TTC3: variants seen among roughly 807,000 people sequenced by gnomAD.
The protein encoded by TTC3 is E3 ubiquitin-protein ligase TTC3.
A neutral mutation model predicts 249.6 loss-of-function variants in TTC3; 180 were observed. The observed-to-expected ratio is 0.72, with a 90% confidence interval of 0.64 to 0.82. The LOEUF is 0.82. Among genes scored for constraint, TTC3 ranks in the 40% least tolerant of loss-of-function variants. TTC3 has a pLI of 0.00. For missense variants in TTC3, 2,061 were observed against 2,398.4 expected (o/e 0.86, Z 2.94); for synonymous variants, 717 against 805.0 (o/e 0.89, Z 1.85).
exon 12 of TTC3, chr21:37,121,846 T>C: frequency 6.2e-7 from 1 of 1,607,380 alleles, no homozygotes; most frequent in Non-Finnish European, 8.5e-7. Context: ...ATGCTCTTTC[T>C]ATGCTGGGGG....
exon 33 of TTC3, chr21:37,166,061 T>G: frequency 6.2e-7 from 1 of 1,614,200 alleles, no homozygotes; most frequent in Non-Finnish European, 8.5e-7. Context: ...TAAACCAGGC[T>G]CTGAGGATGC....
rs138175989 is a variant in TTC3 at position 37,094,446 on chromosome 21, A to G, written c.687+356A>G. On this transcript the variant is annotated intron_variant, in intron 8 of 45. Coordinates refer to ENST00000355666, the Ensembl canonical transcript of TTC3. ...ATTTAATGTTGTATTGAATTCCCTAATGCTGTTGATATGATGTGATTTAGT... is the reference window on the plus strand; with the variant it reads ...ATTTAATGTTGTATTGAATTCCCTAGTGCTGTTGATATGATGTGATTTAGT... Among the ~76,000 whole-genome samples, 155 of 152,318 alleles carry G rather than the reference A, an allele frequency of 1.0e-3. 1 individual carries two copies. The highest frequency in any genetic ancestry group is 3.6e-3 in the African/African-American group (149 of 41,576).
intron 25 of TTC3, among the ~76,000 whole-genome samples, chr21:37,151,204 A>G (rs1048095797): frequency 1.3e-5 from 2 of 152,112 alleles, no homozygotes; most frequent in Non-Finnish European, 2.9e-5. Context: ...GTTTGCTCTC[A>G]GTTGTTGAAA....
intron 35 of TTC3, among the ~76,000 whole-genome samples, chr21:37,180,484 A>T (rs1200258368): frequency 6.6e-6 from 1 of 151,300 alleles, no homozygotes; most frequent in Non-Finnish European, 1.5e-5. Context: ...ACTGGAAATC[A>T]TCATTCTCAG....
At chr21:37,155,356 A>G (rs1247269800) in intron 27 of TTC3, among the ~76,000 whole-genome samples, 1 of 152,210 alleles carries the variant, frequency 6.6e-6, no homozygotes. Context: ...TAACATCCCA[A>G]TAGTGAACAC....
intron 35 of TTC3, among the ~76,000 whole-genome samples, chr21:37,179,289 A>G (rs1209323733): frequency 6.6e-6 from 1 of 152,214 alleles, no homozygotes; most frequent in African/African-American, 2.4e-5. Flanking sequence ...CCTGTCTCAA[A>G]AAAACAAAAA....
chr21:37,073,838 T>C (rs567241236), intron 1 of TTC3, among the ~76,000 whole-genome samples: 1 of 152,264 alleles, frequency 6.6e-6, no homozygotes, highest in East Asian at 1.9e-4. Context: ...ACTGCCCCTG[T>C]CTGTGGGCTG....
chr21:37,137,000 C>T (rs1411845604), intron 18 of TTC3, among the ~76,000 whole-genome samples: 1 of 152,188 alleles, frequency 6.6e-6, no homozygotes, highest in African/African-American at 2.4e-5. Context: ...GCATGAATGG[C>T]AGCACATCTG....
At chr21:37,120,754 T>TA (rs1211343630) in intron 11 of TTC3, among the ~76,000 whole-genome samples, 2 of 152,230 alleles carry the variant, frequency 1.3e-5, no homozygotes, top group African/African-American at 4.8e-5. Flanking sequence ...TAAACCTGCA[T>TA]AAACACGTAC....
At chr21:37,167,399 C>G (rs2081343176) in intron 33 of TTC3, among the ~76,000 whole-genome samples, 156 bp from the exon 34 acceptor site, 1 of 151,668 alleles carries the variant, frequency 6.6e-6, no homozygotes, top group Non-Finnish European at 1.5e-5. Context: ...AATAACTTTC[C>G]TAATATACAT....
chr21:37,140,405 C>A (rs1258598015), intron 19 of TTC3, among the ~76,000 whole-genome samples, 156 bp from the exon 20 acceptor site: 1 of 151,942 alleles, frequency 6.6e-6, no homozygotes, highest in Non-Finnish European at 1.5e-5. Flanking sequence ...TATATAATTC[C>A]TAAGAAAGTG....
At chr21:37,167,671 A>AT in intron 34 of TTC3, 51 bp downstream of exon 34, 1 of 1,419,326 alleles carries the variant, frequency 7.0e-7, no homozygotes, top group Non-Finnish European at 9.8e-7. Context: ...TCATTAATTT[A>AT]TCTAGATGGA....
intron 1 of TTC3, among the ~76,000 whole-genome samples, chr21:37,085,260 A>G (rs951884550): frequency 2.6e-5 from 4 of 152,316 alleles, no homozygotes; most frequent in South Asian, 4.2e-4. Context: ...ATTATGTGCT[A>G]TAGTTTGGGT....
intron 1 of TTC3, among the ~76,000 whole-genome samples, chr21:37,075,547 C>T (rs890119152): frequency 1.3e-5 from 2 of 152,216 alleles, no homozygotes; most frequent in African/African-American, 2.4e-5. Flanking sequence ...AACACAATTT[C>T]CTCACAACCC....
At position 37,129,029 on chromosome 21, in the gene TTC3, CA is replaced by C; in HGVS notation, c.1329del (p.Lys443AsnfsTer16). On this transcript the variant is annotated frameshift_variant, in exon 16 of 46. Coordinates refer to ENST00000355666, the Ensembl canonical transcript of TTC3. LOFTEE classifies it high-confidence loss of function. ...TCAGCCTCCAAAACATAAAGGAAAA[CA>C]AAAATCTCGAAACAATGAATCAGAA... 6.3e-7 allele frequency: 1 copy of C among 1,593,832 alleles called. No individual in the cohort carries two copies. The highest frequency in any genetic ancestry group is 8.5e-7 in the Non-Finnish European group (1 of 1,171,330).
intron 7 of TTC3, chr21:37,091,617 TG>T (rs1306612704): frequency 5.4e-6 from 1 of 186,754 alleles, no homozygotes; most frequent in Non-Finnish European, 1.0e-5. Context: ...ATTCTTGCTC[TG>T]TTGCCCAGGC....
chr21:37,095,590 G>A (rs2073858295), intron 9 of TTC3, 146 bp downstream of exon 9: 3 of 535,444 alleles, frequency 5.6e-6, no homozygotes, highest in South Asian at 3.2e-5. Context: ...GGTGTTGGAA[G>A]CATTGGAGAT....
intron 10 of TTC3, among the ~76,000 whole-genome samples, chr21:37,103,126 AAG>A (rs1414670835): frequency 6.6e-6 from 1 of 152,234 alleles, no homozygotes; most frequent in Non-Finnish European, 1.5e-5. Flanking sequence ...GGGGAGAGGA[AAG>A]AGTTCAGGAA....
At chr21:37,136,029 T>C (rs2077901646) in intron 18 of TTC3, among the ~76,000 whole-genome samples, 1 of 152,168 alleles carries the variant, frequency 6.6e-6, no homozygotes, top group Non-Finnish European at 1.5e-5. Flanking sequence ...TCAGTGATCT[T>C]TGATGTTACT....
Sources: allele counts gnomAD v4.1 joint callset (sites outside exome capture counted in the v4.1 genomes callset), GRCh38; gene constraint gnomAD v4.1.1; transcripts MANE v1.5; gene names NCBI Gene and HGNC (gene_info 2026-07-23, HGNC 2026-07-21).